CPPED1: variants seen among roughly 807,000 people sequenced by gnomAD.
The protein encoded by CPPED1 is serine/threonine-protein phosphatase CPPED1.
CPPED1 carries 28 observed loss-of-function variants against 28.0 expected under a neutral mutation model. The observed-to-expected ratio is 1.00, with a 90% confidence interval of 0.74 to 1.37. CPPED1 has a LOEUF of 1.37. CPPED1 is among the 40% of genes most tolerant of loss of function. The pLI, the probability that CPPED1 is intolerant of heterozygous loss-of-function variation, is 0.00. For missense variants in CPPED1, 504 were observed against 416.5 expected, an observed-to-expected ratio of 1.21 and a Z score of -1.83; for synonymous variants, 198 against 180.2, an observed-to-expected ratio of 1.10 and a Z score of -0.79.
In CPPED1 at chr16:12,781,353, G is replaced by A. The variant is rs1460788357; in HGVS notation, c.121C>T (p.Pro41Ser). 1.2e-6 allele frequency: 2 copies of A among 1,614,066 alleles called. No individual in the cohort carries two copies. The highest frequency in any genetic ancestry group is 2.2e-5 in the East Asian group (1 of 44,870). ...GPFYFILGAD[P>S]QFGLIKAWST... ...CAGGCCTTGATCAGCCCAAACTGTG[G>A]GTCTGCGCCCAGGATGAAGTAGAAT... Residue 41 changes from proline to serine, a missense_variant, in exon 2 of 4, where the codon CCA (proline) becomes TCA (serine). Transcript: ENST00000381774.
intron 2 of CPPED1, among the ~76,000 whole-genome samples, chr16:12,721,372 C>A (rs1567286213): frequency 6.6e-6 from 1 of 152,172 alleles, no homozygotes; most frequent in African/African-American, 2.4e-5. Flanking sequence ...GAACGAGAAA[C>A]AAATGGCAAA....
chr16:12,737,885 C>T (rs1042930732), intron 2 of CPPED1, among the ~76,000 whole-genome samples: 2 of 152,148 alleles, frequency 1.3e-5, no homozygotes, highest in Admixed American at 1.3e-4. Context: ...TGTCAGGGGA[C>T]CCCTGCCTGC....
intron 3 of CPPED1, among the ~76,000 whole-genome samples, chr16:12,692,703 A>G (rs991021509): frequency 2.0e-5 from 3 of 152,218 alleles, no homozygotes; most frequent in Admixed American, 6.5e-5. Flanking sequence ...ATAAAAGTGA[A>G]CACTGACCAT....
At chr16:12,781,083 TGA>T in intron 2 of CPPED1, 100 bp downstream of exon 2, 1 of 959,112 alleles carries the variant, frequency 1.0e-6, no homozygotes, top group Non-Finnish European at 1.6e-6. Flanking sequence ...GGTCCATGAC[TGA>T]GCAAAGATGC....
chr16:12,716,492 G>A (rs925939290), intron 2 of CPPED1, among the ~76,000 whole-genome samples: 1 of 152,198 alleles, frequency 6.6e-6, no homozygotes. Context: ...TCAGATCCAC[G>A]AACAAGTCTT....
intron 1 of CPPED1, among the ~76,000 whole-genome samples, chr16:12,787,616 A>T (rs2080572072): frequency 6.6e-6 from 1 of 151,782 alleles, no homozygotes; most frequent in South Asian, 2.1e-4. Flanking sequence ...TATGTTGGCC[A>T]GGCTGGTTTT....
chr16:12,750,099 T>C (rs538099105), intron 2 of CPPED1, among the ~76,000 whole-genome samples: 10 of 152,242 alleles, frequency 6.6e-5, no homozygotes, highest in Non-Finnish European at 7.3e-5. Context: ...TAAGGGAATG[T>C]TGTGGCTGGT....
At chr16:12,668,735 T>C (rs2079838984) in intron 3 of CPPED1, among the ~76,000 whole-genome samples, 1 of 152,212 alleles carries the variant, frequency 6.6e-6, no homozygotes. Context: ...GAAAAGATGC[T>C]CAACATCATT....
chr16:12,717,225 C>T (rs922117245), intron 2 of CPPED1, among the ~76,000 whole-genome samples: 2 of 152,180 alleles, frequency 1.3e-5, no homozygotes, highest in Non-Finnish European at 2.9e-5. Flanking sequence ...GCTAAGTACT[C>T]TACACAGATT....
In CPPED1 at chr16:12,781,194, C is replaced by A; in HGVS notation, c.280G>T (p.Ala94Ser). The change falls in exon 2 of 4, where the codon GCC (alanine) becomes TCC (serine). Residue 94 changes from alanine to serine, a missense_variant. Physicochemically the swap from Ala to Ser is moderately conservative, Grantham distance 99. Transcript: ENST00000381774. Reference sequence around the variant, plus strand: ...ATGACCCGAGTCTTACCTGGCATGGCGTGGATGAGGTCGCCGCACAGAACG... The same window carrying A: ...ATGACCCGAGTCTTACCTGGCATGGAGTGGATGAGGTCGCCGCACAGAACG... ...FFVLCGDLIH[A>S]MPGKPWRTEQ... 3 of 1,612,344 alleles carry A rather than the reference C, an allele frequency of 1.9e-6. No individual in the cohort carries two copies. Among genetic ancestry groups the A allele is most frequent in the Non-Finnish European group, 2.5e-6 (3 of 1,179,210 alleles).
chr16:12,731,378 T>TA (rs111814033), intron 2 of CPPED1, among the ~76,000 whole-genome samples: 4,782 of 140,404 alleles, frequency 0.034, 262 homozygotes, highest in African/African-American at 0.12. Context: ...TTTTTTTAAT[T>TA]AAAAAAAAAA....
chr16:12,790,054 C>T (rs1418310010), intron 1 of CPPED1, among the ~76,000 whole-genome samples: 1 of 152,144 alleles, frequency 6.6e-6, no homozygotes, highest in African/African-American at 2.4e-5. Flanking sequence ...ACAGAAAGGC[C>T]TGTAGGTTTT....
intron 3 of CPPED1, among the ~76,000 whole-genome samples, chr16:12,673,704 G>A (rs1197387741): frequency 6.6e-6 from 1 of 152,140 alleles, no homozygotes; most frequent in Non-Finnish European, 1.5e-5. Context: ...CAGAAAATGT[G>A]ACCAAACGAG....
intron 2 of CPPED1, among the ~76,000 whole-genome samples, chr16:12,773,821 C>T (rs775837053): frequency 3.3e-5 from 5 of 152,190 alleles, no homozygotes; most frequent in African/African-American, 7.2e-5. Flanking sequence ...TTGGCATCAC[C>T]GCGATTCCTG....
At chr16:12,753,605 C>G (rs548987243) in intron 2 of CPPED1, among the ~76,000 whole-genome samples, 2 of 152,204 alleles carry the variant, frequency 1.3e-5, no homozygotes, top group South Asian at 4.1e-4. Flanking sequence ...CTCTTCCTGT[C>G]CCTGGATTCT....
At chr16:12,725,672 G>A (rs990085998) in intron 2 of CPPED1, among the ~76,000 whole-genome samples, 10 of 152,104 alleles carry the variant, frequency 6.6e-5, no homozygotes, top group East Asian at 3.9e-4. Flanking sequence ...AGGTAGAGAC[G>A]GGGGGAAGTG....
intron 3 of CPPED1, among the ~76,000 whole-genome samples, chr16:12,690,127 T>C (rs2079954654): frequency 6.6e-6 from 1 of 152,188 alleles, no homozygotes; most frequent in African/African-American, 2.4e-5. Flanking sequence ...GCCATAATCT[T>C]TAGATAATGA....
At chr16:12,790,576 T>A (rs1206203874) in intron 1 of CPPED1, among the ~76,000 whole-genome samples, 1 of 152,192 alleles carries the variant, frequency 6.6e-6, no homozygotes, top group Non-Finnish European at 1.5e-5. Context: ...CCTCAAATAA[T>A]TCACGGTAGA....
chr16:12,796,026 T>C (rs1330987816), intron 1 of CPPED1, among the ~76,000 whole-genome samples: 1 of 150,622 alleles, frequency 6.6e-6, no homozygotes, highest in Non-Finnish European at 1.5e-5. Context: ...GAGGTTGCAG[T>C]GAGCCAAGAT....
Sources: allele counts gnomAD v4.1 joint callset (sites outside exome capture counted in the v4.1 genomes callset), GRCh38; gene constraint gnomAD v4.1.1; transcripts MANE v1.5; gene names NCBI Gene and HGNC (gene_info 2026-07-23, HGNC 2026-07-21).